Variants in ADAM9 observed in about 807,000 individuals in gnomAD.
The protein encoded by ADAM9 is disintegrin and metalloproteinase domain-containing protein 9.
Under a neutral mutation model 108.1 loss-of-function variants are expected in ADAM9, and 54 were observed. The ratio of observed to expected loss-of-function variants is 0.50; its 90% confidence interval spans 0.40 to 0.63. The LOEUF is 0.63. ADAM9 is among the 20% of genes least tolerant of loss of function. The pLI, the probability that ADAM9 is intolerant of heterozygous loss-of-function variation, is 0.00. For synonymous variants in ADAM9, 316 were observed against 336.0 expected (o/e 0.94, Z 0.65); for missense variants, 830 against 997.7 (o/e 0.83, Z 2.26).
chr8:39,084,844 C>A (rs1453676702), intron 18 of ADAM9, among the ~76,000 whole-genome samples: 6 of 152,034 alleles, frequency 3.9e-5, no homozygotes, highest in Admixed American at 3.9e-4. Flanking sequence ...ATAGTTCTAT[C>A]AATTTTTGCT....
intron 12 of ADAM9, among the ~76,000 whole-genome samples, chr8:39,049,866 A>G (rs908563012): frequency 1.4e-4 from 21 of 152,182 alleles, no homozygotes; most frequent in Admixed American, 5.9e-4. Flanking sequence ...TTAATTTTAT[A>G]CTTTCTTATG....
chr8:39,053,729 A>G (rs918423997), intron 12 of ADAM9, among the ~76,000 whole-genome samples: 2 of 152,124 alleles, frequency 1.3e-5, no homozygotes, highest in East Asian at 3.9e-4. Flanking sequence ...GGTGGCCCAG[A>G]GTATAGTGAG....
intron 12 of ADAM9, among the ~76,000 whole-genome samples, chr8:39,047,202 A>T (rs1837803199): frequency 6.6e-6 from 1 of 152,138 alleles, no homozygotes; most frequent in Admixed American, 6.5e-5. Flanking sequence ...TTGGTTTGCT[A>T]GTATTTTGTT....
chr8:39,087,557 C>T (rs990636101), intron 18 of ADAM9, among the ~76,000 whole-genome samples: 1 of 152,100 alleles, frequency 6.6e-6, no homozygotes, highest in South Asian at 2.1e-4. Context: ...ATGCATTTTT[C>T]CAATTGAAGA....
At chr8:39,010,467 G>C (rs1836319865) in intron 2 of ADAM9, among the ~76,000 whole-genome samples, 3 of 152,310 alleles carry the variant, frequency 2.0e-5, no homozygotes, top group Admixed American at 1.3e-4. Flanking sequence ...CGTGGTGAAG[G>C]GGTTGATGCT....
intron 12 of ADAM9, among the ~76,000 whole-genome samples, chr8:39,045,458 A>G (rs1215214010): frequency 1.4e-5 from 2 of 147,638 alleles, no homozygotes; most frequent in Admixed American, 6.6e-5. Flanking sequence ...ACACACCTAT[A>G]TGTGCGTGTG....
intron 11 of ADAM9, among the ~76,000 whole-genome samples, chr8:39,030,171 T>C (rs1481375967): frequency 6.6e-6 from 1 of 152,178 alleles, no homozygotes; most frequent in Non-Finnish European, 1.5e-5. Context: ...TATGAACAAG[T>C]GTATGATGAC....
Position 39,044,473 on chromosome 8 carries a change from G to A in ADAM9, c.1302+2356G>A, listed in dbSNP as rs560951727. ...GAATTTTATTTTATTTTAGATTCAG[G>A]GGGTACATATGTATGTTTGTTACAT... On this transcript the variant is annotated intron_variant, in intron 12 of 21. Coordinates refer to ENST00000487273, the MANE Select transcript of ADAM9 (RefSeq NM_003816.3). Among the ~76,000 whole-genome samples, 543 of 152,062 alleles carry A rather than the reference G, an allele frequency of 3.6e-3. 3 individuals are homozygous for A. The highest frequency in any genetic ancestry group is 0.021 in the Middle Eastern group (6 of 292).
At chr8:39,091,896 A>G (rs1405901312) in intron 20 of ADAM9, among the ~76,000 whole-genome samples, 5 of 152,164 alleles carry the variant, frequency 3.3e-5, no homozygotes. Context: ...GGGAAATGAC[A>G]TGGGACGTAT....
chr8:39,079,794 A>G (rs755628718), intron 16 of ADAM9, among the ~76,000 whole-genome samples: 4 of 152,194 alleles, frequency 2.6e-5, no homozygotes, highest in Non-Finnish European at 5.9e-5. Flanking sequence ...CATATTGGCC[A>G]GACTGGTCTC....
chr8:39,055,979 T>G (rs1346907853), intron 14 of ADAM9, among the ~76,000 whole-genome samples: 1 of 152,164 alleles, frequency 6.6e-6, no homozygotes, highest in Non-Finnish European at 1.5e-5. Context: ...GTCTATATCT[T>G]TTTATATTTT....
At chr8:39,011,540 C>T (rs1836355055) in intron 2 of ADAM9, 118 bp from the exon 3 acceptor site, 1 of 875,416 alleles carries the variant, frequency 1.1e-6, no homozygotes, top group Non-Finnish European at 1.9e-6. Context: ...TTAAATAGTT[C>T]AGCCAATACC....
chr8:39,061,546 C>A lies in ADAM9; in HGVS notation c.1591+5774C>A, dbSNP rs75645323. On this transcript the variant is annotated intron_variant, in intron 14 of 21. Coordinates refer to ENST00000487273, the MANE Select transcript of ADAM9 (RefSeq NM_003816.3). ...TCAGTGCACAGTGTCTTAGTCTGAT[C>A]AATTCTGTCTCAGTCTATTTTGTGC... is the stretch of plus-strand genomic sequence containing the variant. Among the ~76,000 whole-genome samples, 287 of 152,300 alleles carry A rather than the reference C, an allele frequency of 1.9e-3. 9 individuals are homozygous for A. In the East Asian group the frequency reaches 0.053, roughly 28 times the overall value.
rs1205752233 is a variant in ADAM9, at chr8:39,014,059, C to T, written c.333+16C>T. 5.0e-6 allele frequency: 8 copies of T among 1,598,604 alleles called. No homozygotes were observed. Among genetic ancestry groups the T allele is most frequent in the Non-Finnish European group, 6.9e-6 (8 of 1,166,144 alleles). On this transcript the variant is annotated intron_variant, in intron 4 of 21. Transcript: ENST00000487273. ...CAATATACAGGTAATGTATTTTTCT[C>T]TTGATCCCATAGCAAATTTTAAAAC...
chr8:39,060,872 CT>C lies in ADAM9; in HGVS notation c.1591+5102del, dbSNP rs537471266. Among the ~76,000 whole-genome samples, 16 of 152,344 alleles carry C rather than the reference CT, an allele frequency of 1.1e-4. No homozygotes were observed. The South Asian group carries it at 1.9e-3, about 18-fold the overall frequency. On this transcript the variant is annotated intron_variant, in intron 14 of 21. Coordinates refer to ENST00000487273, the MANE Select transcript of ADAM9 (RefSeq NM_003816.3). Reference sequence around the variant, plus strand: ...TGGCCTTGCCAGCTGAAAGCAGCTGCTTCTGGTAGGCTGTGTGGATGGGTAT... The same window carrying C: ...TGGCCTTGCCAGCTGAAAGCAGCTGCTCTGGTAGGCTGTGTGGATGGGTAT...
Position 39,103,666 on chromosome 8 carries a change from C to T in ADAM9, c.2426C>T (p.Ala809Val). 4 of 1,614,140 alleles carry T rather than the reference C, an allele frequency of 2.5e-6. No individual in the cohort carries two copies. The highest frequency in any genetic ancestry group is 3.4e-6 in the Non-Finnish European group (4 of 1,179,996). Reference sequence around the variant, plus strand: ...GGAAACTTAATTCCTGCCCGTCCTGCTCCTGCACCTCCTTTATATAGTTCC... The same window carrying T: ...GGAAACTTAATTCCTGCCCGTCCTGTTCCTGCACCTCCTTTATATAGTTCC... Reference protein sequence around the residue: ...SQGNLIPARPAPAPPLYSSLT With the variant: ...SQGNLIPARPVPAPPLYSSLT The change falls in exon 22 of 22, where the codon GCT becomes GTT. Residue 809 changes from alanine (A) to valine (V), a missense_variant. Physicochemically the swap from Ala to Val is moderately conservative, Grantham distance 64. Transcript: ENST00000487273.
intron 16 of ADAM9, among the ~76,000 whole-genome samples, chr8:39,081,409 A>G (rs139009872): frequency 2.0e-3 from 308 of 152,340 alleles, no homozygotes; most frequent in Non-Finnish European, 3.5e-3. Flanking sequence ...CTTATTTAAC[A>G]CTTCAGGTGT....
chr8:39,022,933 C>T (rs981167090), intron 8 of ADAM9, among the ~76,000 whole-genome samples: 1 of 151,986 alleles, frequency 6.6e-6, no homozygotes, highest in Non-Finnish European at 1.5e-5. Flanking sequence ...GGTTGGTCTC[C>T]AACTCCTGAT....
intron 4 of ADAM9, chr8:39,014,308 T>G: frequency 1.8e-6 from 1 of 554,422 alleles, no homozygotes; most frequent in East Asian, 2.9e-5. Context: ...TCCTTACTGA[T>G]GAGAAAATTT....
Sources: gnomAD v4.1 joint callset for allele counts (sites outside exome capture counted in the v4.1 genomes callset) on GRCh38, gnomAD v4.1.1 for gene constraint, MANE v1.5 for transcripts, NCBI Gene and HGNC (gene_info 2026-07-23, HGNC 2026-07-21) for gene names.